APOLD1: variants seen among roughly 807,000 people sequenced by gnomAD.
APOLD1 encodes apolipoprotein L domain containing 1.
In APOLD1, 22 loss-of-function variants were observed where a neutral mutation model predicts 15.3. The observed-to-expected ratio is 1.44, with a 90% confidence interval of 1.03 to 2.05. The LOEUF (loss-of-function observed/expected upper bound fraction) is 2.05, where lower values mean the gene tolerates loss of function less well. Ranked by LOEUF, APOLD1 falls within the 30% of genes most tolerant of loss-of-function variation. APOLD1 has a pLI of 0.00. For synonymous variants in APOLD1, 190 were observed against 167.4 expected (o/e 1.13, Z -1.04); for missense variants, 394 against 353.5 (o/e 1.11, Z -0.92).
rs751165410 is a variant in APOLD1 at position 12,726,334 on chromosome 12, A to T, written c.96+238A>T. 3 of 624,528 alleles carry T rather than the reference A, an allele frequency of 4.8e-6. No individual in the cohort carries two copies. The South Asian group carries it at 4.9e-5, about 10-fold the overall frequency. 38.7% of individuals were successfully genotyped at this position (624,528 alleles called of 1,614,324 possible). A position where few individuals can be genotyped will look rare whatever the true frequency, so the allele number is the denominator to read the frequency against. ...GGAGGAATATGTTAAAACAAACTCA[A>T]GATACGAAATGAGACTTTTGAAGTG... On this transcript the variant is annotated intron_variant, in intron 1 of 1. Coordinates refer to the APOLD1 transcript ENST00000326765.
chr12:12,728,812 C>T (rs1417002479), intron 1 of APOLD1, among the ~76,000 whole-genome samples: 1 of 152,200 alleles, frequency 6.6e-6, no homozygotes, highest in Non-Finnish European at 1.5e-5. Context: ...CTCACTGCGA[C>T]TCTTCAGGAG....
intron 1 of APOLD1, among the ~76,000 whole-genome samples, chr12:12,777,889 G>GTTTTTTTTTTTTTTTTTTTTT (rs71436735): frequency 1.7e-5 from 2 of 117,142 alleles, no homozygotes; most frequent in Admixed American, 9.0e-5. Context: ...AAGGAAAGGT[G>GTTTTTTTTTTTTTTTTTTTTT]TTTTTTTTTT....
At chr12:12,744,307 TAAAAA>T (rs35191312) in intron 1 of APOLD1, among the ~76,000 whole-genome samples, 1 of 131,166 alleles carries the variant, frequency 7.6e-6, no homozygotes, top group African/African-American at 2.9e-5. Flanking sequence ...AGACCCTGCT[TAAAAA>T]AAAAAAAAAA....
intron 1 of APOLD1, among the ~76,000 whole-genome samples, chr12:12,777,291 T>C (rs981354856): frequency 6.6e-6 from 1 of 152,178 alleles, no homozygotes; most frequent in African/African-American, 2.4e-5. Context: ...TGGTCACTCC[T>C]GGAACTTTGA....
intron 1 of APOLD1, among the ~76,000 whole-genome samples, chr12:12,775,051 G>A (rs1947021296): frequency 6.6e-6 from 1 of 152,200 alleles, no homozygotes. Flanking sequence ...AAGCAACCAA[G>A]ATGTTCTTCA....
In APOLD1 at chr12:12,787,036, G is replaced by C. The variant is rs746710228; in HGVS notation, c.131G>C (p.Arg44Pro). ...QVLRLREVARRLERLRRRSLV... is the reference protein window; with the variant it reads ...QVLRLREVARPLERLRRRSLV... ...CTGCGCCTGCGCGAGGTGGCCCGGC[G>C]CCTGGAGCGCCTGCGCAGGCGCTCC... Residue 44 changes from arginine to proline, a missense_variant, in exon 2 of 2, where the codon CGC becomes CCC. Transcript: ENST00000356591. This position sits in a 1 kb window ranked among gnomAD's most constrained non-coding sequence, Gnocchi z 4.9. The C allele has an allele frequency of 1.2e-5, 17 of 1,373,826 alleles. No homozygotes were observed. The highest frequency in any genetic ancestry group is 1.6e-5 in the Non-Finnish European group (17 of 1,074,182). The allele number at this position is 1,373,826 out of a possible 1,614,324, so 85.1% of individuals were successfully genotyped here.
At chr12:12,754,128 A>G (rs1325984786) in intron 1 of APOLD1, among the ~76,000 whole-genome samples, 2 of 140,698 alleles carry the variant, frequency 1.4e-5, no homozygotes, top group African/African-American at 2.6e-5. Context: ...ACTCGAACCC[A>G]AGAGGTGGAG....
At chr12:12,771,783 T>C (rs961547986) in intron 1 of APOLD1, 1 of 220,478 alleles carries the variant, frequency 4.5e-6, no homozygotes, top group African/African-American at 2.3e-5. Context: ...TATAGCTATG[T>C]ATATTTATGT....
chr12:12,752,118 T>C (rs145032877), intron 1 of APOLD1, among the ~76,000 whole-genome samples: 1 of 152,334 alleles, frequency 6.6e-6, no homozygotes, highest in East Asian at 1.9e-4. Flanking sequence ...TCTATATTTG[T>C]GGTAATTTTT....
intron 1 of APOLD1, among the ~76,000 whole-genome samples, chr12:12,776,018 A>AC (rs1304195852): frequency 4.0e-5 from 6 of 150,870 alleles, no homozygotes; most frequent in African/African-American, 1.5e-4. Flanking sequence ...AAAAAAAAAA[A>AC]AAAAAAAACA....
chr12:12,750,314 G>A (rs1475098745), intron 1 of APOLD1, among the ~76,000 whole-genome samples: 1 of 130,432 alleles, frequency 7.7e-6, no homozygotes, highest in Admixed American at 9.7e-5. Context: ...GGAGGTTGCA[G>A]TGAACCAAGA....
At chr12:12,750,372 C>CAAAAA (rs34629361) in intron 1 of APOLD1, among the ~76,000 whole-genome samples, 5,334 of 74,678 alleles carry the variant, frequency 0.071, 450 homozygotes, top group Non-Finnish European at 0.1. Flanking sequence ...GACTCTGTCT[C>CAAAAA]AAAAAAAAAA....
At chr12:12,764,120 G>A (rs929042187) in intron 1 of APOLD1, among the ~76,000 whole-genome samples, 5 of 152,078 alleles carry the variant, frequency 3.3e-5, no homozygotes, top group African/African-American at 9.7e-5. Flanking sequence ...CTGCCACCAT[G>A]TCCGGCTAAT....
chr12:12,768,925 A>C (rs564122894), intron 1 of APOLD1, among the ~76,000 whole-genome samples: 5 of 151,992 alleles, frequency 3.3e-5, no homozygotes, highest in African/African-American at 1.2e-4. Flanking sequence ...GCATGTAAGG[A>C]GCTCAGAAGT....
upstream of APOLD1, among the ~76,000 whole-genome samples, chr12:12,784,174 A>G (rs1253135185): frequency 6.6e-6 from 1 of 152,168 alleles, no homozygotes; most frequent in African/African-American, 2.4e-5. Context: ...TATCCCAGCA[A>G]TATTCCTCAT....
At chr12:12,753,614 G>A (rs753961589) in intron 1 of APOLD1, among the ~76,000 whole-genome samples, 7 of 152,136 alleles carry the variant, frequency 4.6e-5, no homozygotes, top group Admixed American at 1.3e-4. Context: ...GGTGGTAGCA[G>A]TGAGCTGTGG....
intron 1 of APOLD1, among the ~76,000 whole-genome samples, chr12:12,775,591 G>T (rs984964341): frequency 3.3e-5 from 5 of 152,218 alleles, no homozygotes; most frequent in Admixed American, 6.5e-5. Context: ...ATCTAAAACT[G>T]CTCTAAAAAA....
At chr12:12,766,795 G>A (rs904878718) in intron 1 of APOLD1, among the ~76,000 whole-genome samples, 1 of 152,038 alleles carries the variant, frequency 6.6e-6, no homozygotes, top group African/African-American at 2.4e-5. Flanking sequence ...GTTGCAGTGA[G>A]CCAAGAGCAC....
upstream of APOLD1, among the ~76,000 whole-genome samples, chr12:12,783,637 T>G (rs950890416): frequency 2.5e-4 from 38 of 150,192 alleles, no homozygotes; most frequent in African/African-American, 9.0e-4. Flanking sequence ...TTTGTTTTTT[T>G]TTTTTTTGCT....
Sources: gnomAD v4.1 joint callset for allele counts (sites outside exome capture counted in the v4.1 genomes callset) on GRCh38, gnomAD v4.1.1 for gene constraint, Gnocchi (gnomAD v3.1) non-coding constraint, MANE v1.5 for transcripts, NCBI Gene and HGNC (gene_info 2026-07-23, HGNC 2026-07-21) for gene names.